The following KCNJ15 variants were observed in gnomAD, a reference collection of about 807,000 sequenced individuals.
The protein encoded by KCNJ15 is ATP-sensitive inward rectifier potassium channel 15.
Under a neutral mutation model 23.0 loss-of-function variants are expected in KCNJ15, and 14 were observed. The ratio of observed to expected loss-of-function variants is 0.61; its 90% confidence interval spans 0.40 to 0.95. KCNJ15 has a LOEUF of 0.95. Ranked by LOEUF, KCNJ15 falls within the 40% of genes least tolerant of loss-of-function variation. The probability of loss-of-function intolerance (pLI) is 0.00; values close to 1 mark genes in which losing one functional copy is unlikely to be tolerated. For missense variants in KCNJ15, 388 were observed against 461.8 expected, an observed-to-expected ratio of 0.84 and a Z score of 1.46; for synonymous variants, 185 against 183.2, an observed-to-expected ratio of 1.01 and a Z score of -0.08.
At chr21:38,232,500 T>C (rs185097541) in intron 1 of KCNJ15, among the ~76,000 whole-genome samples, 1 of 151,966 alleles carries the variant, frequency 6.6e-6, no homozygotes, top group Admixed American at 6.5e-5. Flanking sequence ...TAGGTTTCAT[T>C]TTCTCTTATT....
chr21:38,235,807 T>C (rs925609373), intron 1 of KCNJ15, among the ~76,000 whole-genome samples: 1 of 152,212 alleles, frequency 6.6e-6, no homozygotes, highest in South Asian at 2.1e-4. Flanking sequence ...TTAAAGTTAC[T>C]TATAAAATAC....
intron 1 of KCNJ15, among the ~76,000 whole-genome samples, chr21:38,232,404 G>T (rs1267377530): frequency 6.6e-6 from 1 of 151,626 alleles, no homozygotes; most frequent in African/African-American, 2.4e-5. Flanking sequence ...TCAACTTTTG[G>T]TTATTAAGTT....
intron 1 of KCNJ15, among the ~76,000 whole-genome samples, chr21:38,270,243 C>T (rs1981934736): frequency 6.6e-6 from 1 of 152,222 alleles, no homozygotes; most frequent in East Asian, 1.9e-4. Flanking sequence ...GATGCTGTGT[C>T]CTGATTCATT....
In KCNJ15 at chr21:38,300,572, T is replaced by A; in HGVS notation, c.*183T>A. 1 of 577,032 alleles carries A rather than the reference T, an allele frequency of 1.7e-6. No individual in the cohort carries two copies. Among genetic ancestry groups the A allele is most frequent in the Non-Finnish European group, 3.1e-6 (1 of 323,800 alleles). 35.7% of individuals were successfully genotyped at this position (577,032 alleles called of 1,614,324 possible). A position where few individuals can be genotyped will look rare whatever the true frequency, so the allele number is the denominator to read the frequency against. On this transcript the variant is annotated 3_prime_UTR_variant, in exon 3 of 3. Coordinates refer to ENST00000398938, the MANE Select transcript of KCNJ15 (RefSeq NM_170736.3). ...ACCAGCATTTCTGTGTTTGAGAGAT[T>A]TCCTGTTAGGTGCTTCGTCTGAAAG...
intron 1 of KCNJ15, among the ~76,000 whole-genome samples, chr21:38,274,786 C>T (rs1011313158): frequency 5.9e-5 from 9 of 152,204 alleles, no homozygotes; most frequent in Non-Finnish European, 1.0e-4. Flanking sequence ...AGCCATCTGG[C>T]TGGCCTTTCT....
intron 1 of KCNJ15, chr21:38,272,664 G>A (rs1193007209): frequency 6.6e-6 from 1 of 152,186 alleles, no homozygotes; most frequent in Non-Finnish European, 1.5e-5. Context: ...TCCAATCAAA[G>A]TGATTCACCT....
chr21:38,276,267 A>G (rs891585740), intron 1 of KCNJ15, among the ~76,000 whole-genome samples: 1 of 152,110 alleles, frequency 6.6e-6, no homozygotes, highest in African/African-American at 2.4e-5. Flanking sequence ...ATGTTTGCTG[A>G]ATAAATGAGC....
chr21:38,300,455 A>G lies in KCNJ15; in HGVS notation c.*66A>G, dbSNP rs963706556. 45 of 1,435,178 alleles carry G rather than the reference A, an allele frequency of 3.1e-5. 1 individual carries two copies. The highest frequency in any genetic ancestry group is 3.9e-4 in the Middle Eastern group (2 of 5,114). 88.9% of individuals were successfully genotyped at this position (1,435,178 alleles called of 1,614,324 possible). ...CCACATCAGAACTCCCTTCAAACACAAAGATTGCTGTGAAAACGAAAATGT... is the reference window on the plus strand; with the variant it reads ...CCACATCAGAACTCCCTTCAAACACGAAGATTGCTGTGAAAACGAAAATGT... On this transcript the variant is annotated 3_prime_UTR_variant, in exon 3 of 3. Transcript: ENST00000398938.
intron 1 of KCNJ15, among the ~76,000 whole-genome samples, chr21:38,250,519 G>A (rs563880712): frequency 1.3e-5 from 2 of 152,196 alleles, no homozygotes; most frequent in African/African-American, 4.8e-5. Context: ...CTATGCTCAG[G>A]AATTGAAATG....
At chr21:38,258,659 G>A (rs1296218044) in intron 1 of KCNJ15, among the ~76,000 whole-genome samples, 2 of 152,154 alleles carry the variant, frequency 1.3e-5, no homozygotes, top group African/African-American at 4.8e-5. Flanking sequence ...AATAGTCTGG[G>A]GGTTTTACAG....
At position 38,300,212 on chromosome 21, in the gene KCNJ15, C is replaced by T; in HGVS notation, c.951C>T (p.Leu317=). Residue 317 remains leucine, a synonymous_variant, in exon 3 of 3, where the codon CTC becomes CTT. Transcript: ENST00000398938. ...WGFEFVPVVS[L]SKNGKYVADF... The stretch of plus-strand genomic sequence containing the variant: ...TTGAGTTTGTGCCTGTGGTATCTCT[C>T]TCCAAAAATGGAAAATATGTGGCTG... 1 of 1,614,152 alleles carries T rather than the reference C, an allele frequency of 6.2e-7. No homozygotes were observed. The highest frequency in any genetic ancestry group is 8.5e-7 in the Non-Finnish European group (1 of 1,180,032).
intron 1 of KCNJ15, among the ~76,000 whole-genome samples, chr21:38,243,329 G>A (rs1464334031): frequency 6.6e-6 from 1 of 152,060 alleles, no homozygotes; most frequent in Non-Finnish European, 1.5e-5. Flanking sequence ...TTTTTCCCCA[G>A]AAAGCCTGTT....
rs76770831 is a variant in KCNJ15, at chr21:38,292,581, A to G, written c.-116-4345A>G. Among the ~76,000 whole-genome samples the G allele has an allele frequency of 6.6e-3, 1,001 of 152,348 alleles. 6 individuals are homozygous for G. Among genetic ancestry groups the G allele is most frequent in the African/African-American group, 0.021 (893 of 41,574 alleles). ...TCTATGTTGTTCTTAGGGATAAGGC[A>G]AGCCATTCTTGCCATTACAATCTTG... is the stretch of plus-strand genomic sequence containing the variant. On this transcript the variant is annotated intron_variant, in intron 1 of 2. Transcript: ENST00000398938.
intron 1 of KCNJ15, among the ~76,000 whole-genome samples, chr21:38,289,434 C>A (rs182795790): frequency 1.1e-4 from 17 of 152,060 alleles, no homozygotes; most frequent in African/African-American, 3.4e-4. Context: ...AAATCTCTTT[C>A]CTAAGGAGAA....
At chr21:38,285,229 C>T (rs550827984) in intron 1 of KCNJ15, among the ~76,000 whole-genome samples, 1 of 152,132 alleles carries the variant, frequency 6.6e-6, no homozygotes, top group Non-Finnish European at 1.5e-5. Flanking sequence ...AAATGTGATT[C>T]CTTTTGATAA....
rs1228885229 is a variant in KCNJ15, at chr21:38,299,942, G to A, written c.681G>A (p.Arg227=). Residue 227 remains arginine (R), a synonymous_variant, in exon 3 of 3, where the codon CGG becomes CGA. Transcript: ENST00000398938. The surrounding 1 kb of genome is among the most constrained non-coding windows in gnomAD (Gnocchi z 4.5). ...LQTHVTKEGE[R]ILLNQATVKF... ...CCCACGTCACCAAGGAGGGGGAGCG[G>A]ATTCTCCTCAACCAAGCCACTGTCA... 1.2e-6 allele frequency: 2 copies of A among 1,614,028 alleles called. No individual in the cohort carries two copies. The highest frequency in any genetic ancestry group is 1.1e-5 in the South Asian group (1 of 91,086).
chr21:38,299,832 G>C lies in KCNJ15; in HGVS notation c.571G>C (p.Gly191Arg), dbSNP rs756174276. Residue 191 changes from glycine (G) to arginine (R), a missense_variant, in exon 3 of 3, where the codon GGG becomes CGG. Gly to Arg is a moderately radical substitution (Grantham distance 125). Transcript: ENST00000398938. The surrounding 1 kb of genome is among the most constrained non-coding windows in gnomAD (Gnocchi z 4.5). ...SHCAVITKQN[G>R]KLCLVIQVAN... ...CTGTGCAGTCATCACCAAGCAGAAT[G>C]GGAAGCTGTGCTTGGTGATTCAGGT... 3.1e-6 allele frequency: 5 copies of C among 1,613,886 alleles called. No homozygotes were observed. In the African/African-American group the frequency reaches 4.0e-5, roughly 13 times the overall value.
intron 1 of KCNJ15, among the ~76,000 whole-genome samples, chr21:38,236,345 G>A (rs1978600478): frequency 6.6e-6 from 1 of 152,216 alleles, no homozygotes; most frequent in South Asian, 2.1e-4. Context: ...TCTATTAGAA[G>A]GCACCTGATG....
intron 1 of KCNJ15, among the ~76,000 whole-genome samples, chr21:38,275,022 G>A (rs558573992): frequency 3.3e-5 from 5 of 152,052 alleles, no homozygotes; most frequent in African/African-American, 1.2e-4. Flanking sequence ...ACACCACCAT[G>A]TCACCTCAAT....
Sources: allele counts gnomAD v4.1 joint callset (sites outside exome capture counted in the v4.1 genomes callset), GRCh38; gene constraint gnomAD v4.1.1; non-coding constraint Gnocchi (gnomAD v3.1); transcripts MANE v1.5; gene names NCBI Gene and HGNC (gene_info 2026-07-23, HGNC 2026-07-21).